The following SERPINB5 variants were observed in gnomAD, a reference collection of about 807,000 sequenced individuals.
SERPINB5 encodes serpin B5.
Under a neutral mutation model 32.2 loss-of-function variants are expected in SERPINB5, and 27 were observed. The ratio of observed to expected loss-of-function variants is 0.84; its 90% CI spans 0.62 to 1.16. SERPINB5 has a LOEUF of 1.16. SERPINB5 is among the 50% of genes most tolerant of loss of function. SERPINB5 has a pLI of 0.00. For missense variants in SERPINB5, 388 were observed against 436.3 expected (o/e 0.89, Z 0.99); for synonymous variants, 154 against 157.4 (o/e 0.98, Z 0.16).
chr18:63,499,545 C>T (rs1389999117), intron 6 of SERPINB5, among the ~76,000 whole-genome samples: 1 of 152,206 alleles, frequency 6.6e-6, no homozygotes, highest in Non-Finnish European at 1.5e-5. Context: ...TTAATTCTTA[C>T]AGCAGGCTGA....
chr18:63,481,560 G>C (rs535321232), intron 1 of SERPINB5, among the ~76,000 whole-genome samples: 1 of 152,322 alleles, frequency 6.6e-6, no homozygotes, highest in Admixed American at 6.5e-5. Flanking sequence ...AGCTTTCAGG[G>C]ATCTGGGTTT....
At chr18:63,478,234 C>A (rs1025083064) in intron 1 of SERPINB5, among the ~76,000 whole-genome samples, 4 of 152,264 alleles carry the variant, frequency 2.6e-5, no homozygotes, top group Non-Finnish European at 2.9e-5. Context: ...TGGGGCTATG[C>A]AGTCTCAGCG....
At chr18:63,478,455 T>C (rs147646231) in intron 1 of SERPINB5, among the ~76,000 whole-genome samples, 6 of 152,218 alleles carry the variant, frequency 3.9e-5, no homozygotes, top group South Asian at 2.1e-4. Flanking sequence ...TTCATATACA[T>C]TGATTCACTT....
rs58878863 is a variant in SERPINB5 at position 63,493,861 on chromosome 18, A to AAAACAAACAAAC, written c.567+777_567+788dup. 1.5e-3 allele frequency among the ~76,000 whole-genome samples: 223 copies of AAAACAAACAAAC among 151,124 alleles called. 2 individuals are homozygous for AAAACAAACAAAC. The highest frequency in any genetic ancestry group is 4.2e-3 in the African/African-American group (172 of 41,136). On this transcript the variant is annotated intron_variant, in intron 5 of 6. Transcript: ENST00000382771. The stretch of plus-strand genomic sequence containing the variant: ...ACAAGAGTGAAACTCCACCTCAAGA[A>AAAACAAACAAAC]AAACAAACAAACAAACAAACAACAA...
rs780427634 is a variant in SERPINB5 at position 63,503,943 on chromosome 18, G to T, written c.*221G>T. ...TTTTTCCCATAAGACAATGACATAC[G>T]CTTTTAATGAAAAGGAATCACGTTA... is the stretch of plus-strand genomic sequence containing the variant. On this transcript the variant is annotated 3_prime_UTR_variant, in exon 7 of 7. Coordinates refer to ENST00000382771, the MANE Select transcript of SERPINB5 (RefSeq NM_002639.5). 1.5e-5 allele frequency: 8 copies of T among 526,716 alleles called. 1 individual carries two copies. The South Asian group carries it at 1.9e-4, about 13-fold the overall frequency. 32.6% of individuals were successfully genotyped at this position (526,716 alleles called of 1,614,324 possible). A position where few individuals can be genotyped will look rare whatever the true frequency, so the allele number is the denominator to read the frequency against.
chr18:63,495,957 C>A (rs1308041085), intron 5 of SERPINB5, among the ~76,000 whole-genome samples: 1 of 152,168 alleles, frequency 6.6e-6, no homozygotes, highest in Non-Finnish European at 1.5e-5. Flanking sequence ...TTTTCTTATG[C>A]CCCGTGGTGT....
intron 5 of SERPINB5, chr18:63,497,434 C>T: frequency 2.4e-6 from 2 of 844,346 alleles, no homozygotes; most frequent in South Asian, 1.3e-5. Flanking sequence ...GTCCCTGCTG[C>T]TGCGGCTGCA....
rs1295660266 is a variant in SERPINB5, at chr18:63,498,364, C to T, written c.568-756C>T. ...GGTGCAGGATTACAGGCATGAGGCA[C>T]CGTGCCCAGCCAGTTTTTGAAATTA... On this transcript the variant is annotated intron_variant, in intron 5 of 6. Transcript: ENST00000382771. The surrounding 1 kb of genome is among the most constrained non-coding windows in gnomAD (Gnocchi z 4.2). Among the ~76,000 whole-genome samples the T allele has an allele frequency of 1.3e-5, 2 of 152,142 alleles. No homozygotes were observed. The highest frequency in any genetic ancestry group is 2.9e-5 in the Non-Finnish European group (2 of 68,026).
At chr18:63,492,736 G>C (rs1170812071) in intron 4 of SERPINB5, among the ~76,000 whole-genome samples, 9 of 152,174 alleles carry the variant, frequency 5.9e-5, no homozygotes, top group African/African-American at 1.9e-4. Flanking sequence ...TTTCTTCCCT[G>C]CTCCTTCATT....
chr18:63,497,097 T>A, intron 5 of SERPINB5: 3 of 601,834 alleles, frequency 5.0e-6, no homozygotes, highest in Non-Finnish European at 6.3e-6. Flanking sequence ...AGAGCATTCA[T>A]CTAAACAGCC....
chr18:63,495,103 A>G (rs1385022351), intron 5 of SERPINB5, among the ~76,000 whole-genome samples: 1 of 152,178 alleles, frequency 6.6e-6, no homozygotes, highest in Non-Finnish European at 1.5e-5. Flanking sequence ...AGGGATGGGT[A>G]GGAGGTCCTC....
chr18:63,482,854 A>T (rs1917146307), intron 1 of SERPINB5, among the ~76,000 whole-genome samples: 2 of 150,508 alleles, frequency 1.3e-5, no homozygotes, highest in African/African-American at 4.9e-5. Flanking sequence ...TACTAATATG[A>T]ATAATATATA....
chr18:63,487,622 G>T (rs185976768), intron 3 of SERPINB5, among the ~76,000 whole-genome samples: 3 of 152,208 alleles, frequency 2.0e-5, no homozygotes, highest in Non-Finnish European at 2.9e-5. Flanking sequence ...TGGTCAGATG[G>T]GGATCTCCAC....
intron 4 of SERPINB5, among the ~76,000 whole-genome samples, chr18:63,491,412 A>ACCCCC (rs1568110285): frequency 0.014 from 2,148 of 149,364 alleles, 77 homozygotes; most frequent in African/African-American, 0.051. Context: ...CCCAAAAAAA[A>ACCCCC]AAAAAAAAAA....
At chr18:63,486,110 A>T (rs1392651078) in intron 2 of SERPINB5, 1 of 152,228 alleles carries the variant, frequency 6.6e-6, no homozygotes, top group African/African-American at 2.4e-5. Context: ...TAACAGTTTG[A>T]ATCCATATAA....
At chr18:63,490,602 C>A (rs1230378919) in intron 4 of SERPINB5, 4 of 152,190 alleles carry the variant, frequency 2.6e-5, no homozygotes, top group Admixed American at 6.5e-5. Flanking sequence ...GCGAGAATGA[C>A]TGGCGCCCCC....
chr18:63,489,234 A>G (rs1350256081), intron 3 of SERPINB5, 113 bp from the exon 4 acceptor site: 4 of 562,304 alleles, frequency 7.1e-6, no homozygotes, highest in East Asian at 3.0e-5. Context: ...AGTGTTACCA[A>G]TTTTGAAAGT....
At chr18:63,479,746 T>G (rs976001572) in intron 1 of SERPINB5, among the ~76,000 whole-genome samples, 1 of 152,102 alleles carries the variant, frequency 6.6e-6, no homozygotes, top group Non-Finnish European at 1.5e-5. Context: ...TGACACAAAT[T>G]AGGTACTCAG....
rs35377797 is a variant in SERPINB5, at chr18:63,503,883, C to CTTT, written c.*171_*173dup. Reference sequence around the variant, plus strand: ...ATATGTAGCCTTCACACAGATAGACCTTTTTTTTTTTTCCAATTCTATCTT... The same window carrying CTTT: ...ATATGTAGCCTTCACACAGATAGACCTTTTTTTTTTTTTTTCCAATTCTATCTT... On this transcript the variant is annotated 3_prime_UTR_variant, in exon 7 of 7. Transcript: ENST00000382771. 54 of 522,850 alleles carry CTTT rather than the reference C, an allele frequency of 1.0e-4. No homozygotes were observed. The highest frequency in any genetic ancestry group is 2.0e-4 in the East Asian group (6 of 30,020). The allele number at this position is 522,850 out of a possible 1,614,324, so 32.4% of individuals were successfully genotyped here. A position where few individuals can be genotyped will look rare whatever the true frequency, so the allele number is the denominator to read the frequency against.
Sources: gnomAD v4.1 joint callset for allele counts (sites outside exome capture counted in the v4.1 genomes callset) on GRCh38, gnomAD v4.1.1 for gene constraint, Gnocchi (gnomAD v3.1) non-coding constraint, MANE v1.5 for transcripts, NCBI Gene and HGNC (gene_info 2026-07-23, HGNC 2026-07-21) for gene names.